SLCO6A1: variants seen among roughly 807,000 people sequenced by gnomAD.
SLCO6A1 encodes the protein cancer/testis antigen 48.
In SLCO6A1, 65 loss-of-function variants were observed where a neutral mutation model predicts 72.7. That is an observed-to-expected ratio of 0.89 (90% CI 0.73 to 1.10). SLCO6A1 has a LOEUF of 1.10. Ranked by LOEUF, SLCO6A1 falls within the 50% of genes least tolerant of loss-of-function variation. SLCO6A1 has a pLI of 0.00. For missense variants in SLCO6A1, 874 were observed against 872.6 expected (o/e 1.00, Z -0.02); for synonymous variants, 314 against 298.2 (o/e 1.05, Z -0.55).
At chr5:102,427,388 A>C (rs1580406013) in intron 7 of SLCO6A1, among the ~76,000 whole-genome samples, 1 of 152,276 alleles carries the variant, frequency 6.6e-6, no homozygotes, top group South Asian at 2.1e-4. Context: ...GCAGTCACTC[A>C]CATGGATAGT....
chr5:102,452,888 G>C (rs2112731399), intron 6 of SLCO6A1, among the ~76,000 whole-genome samples: 1 of 152,272 alleles, frequency 6.6e-6, no homozygotes, highest in East Asian at 1.9e-4. Flanking sequence ...CTTGTGTCAA[G>C]AGTTTCTAAA....
intron 7 of SLCO6A1, among the ~76,000 whole-genome samples, chr5:102,430,247 A>C (rs933434157): frequency 1.3e-5 from 2 of 152,174 alleles, no homozygotes; most frequent in African/African-American, 2.4e-5. Flanking sequence ...TGTTGTTTGC[A>C]AACAGGGATA....
rs533666112 is a variant in SLCO6A1 at position 102,383,354 on chromosome 5, T to C, written c.2017+5334A>G. Among the ~76,000 whole-genome samples, 7 of 151,708 alleles carry C rather than the reference T, an allele frequency of 4.6e-5. No individual in the cohort carries two copies. The South Asian group carries it at 1.5e-3, about 31-fold the overall frequency. ...CTGAGTAAGTAATATATTTGCTTTA[T>C]TGTGTTAAGATACATTCCTCTATAT... On this transcript the variant is annotated intron_variant, in intron 12 of 13. Transcript: ENST00000506729.
At chr5:102,498,343 A>T in intron 1 of SLCO6A1, 144 bp downstream of exon 1, 1 of 721,438 alleles carries the variant, frequency 1.4e-6, no homozygotes, top group Non-Finnish European at 2.3e-6. Flanking sequence ...CAACGCCTTG[A>T]GAAGTCAGAA....
intron 13 of SLCO6A1, among the ~76,000 whole-genome samples, chr5:102,372,475 TAATGTATAAAA>T (rs550622358): frequency 1.0e-3 from 154 of 152,104 alleles, no homozygotes; most frequent in African/African-American, 3.6e-3. Flanking sequence ...TGATGTACAA[TAATGTATAAAA>T]AATTATAACA....
chr5:102,404,579 A>C, intron 9 of SLCO6A1, among the ~76,000 whole-genome samples: 1 of 152,324 alleles, frequency 6.6e-6, no homozygotes, highest in Non-Finnish European at 1.5e-5. Context: ...TTATGTGTTA[A>C]TTTGAACTAT....
intron 12 of SLCO6A1, among the ~76,000 whole-genome samples, chr5:102,384,467 A>ATG (rs1561416051): frequency 6.6e-6 from 1 of 151,612 alleles, no homozygotes; most frequent in African/African-American, 2.4e-5. Context: ...TTGTAGTGGC[A>ATG]GTACGCTTTT....
rs144936685 is a variant in SLCO6A1 at position 102,394,944 on chromosome 5, T to G, written c.1815-3899A>C. Among the ~76,000 whole-genome samples the G allele has an allele frequency of 2.1e-3, 317 of 152,312 alleles. 3 individuals are homozygous for G. Among genetic ancestry groups the G allele is most frequent in the African/African-American group, 7.2e-3 (301 of 41,578 alleles). ...GCTGCACTTATTTAAGATTACACTT[T>G]CATTGCATACTAAATTCCCACATGA... On this transcript the variant is annotated intron_variant, in intron 10 of 13. Coordinates refer to ENST00000506729, the MANE Select transcript of SLCO6A1 (RefSeq NM_173488.5).
intron 6 of SLCO6A1, among the ~76,000 whole-genome samples, chr5:102,455,385 C>A (rs1470461991): frequency 1.3e-5 from 2 of 151,948 alleles, no homozygotes; most frequent in Non-Finnish European, 2.9e-5. Context: ...ATGAGAAATA[C>A]AATTTTGCAA....
chr5:102,452,662 T>A (rs1750481204), intron 6 of SLCO6A1, among the ~76,000 whole-genome samples: 1 of 152,160 alleles, frequency 6.6e-6, no homozygotes, highest in Non-Finnish European at 1.5e-5. Flanking sequence ...TTAAAAAACA[T>A]AATGACCTGC....
At chr5:102,490,608 G>C (rs1160184668) in intron 1 of SLCO6A1, among the ~76,000 whole-genome samples, 1 of 152,122 alleles carries the variant, frequency 6.6e-6, no homozygotes, top group African/African-American at 2.4e-5. Flanking sequence ...GGCATGTCTG[G>C]AGTTTGTTTG....
chr5:102,435,612 C>T (rs900711227), intron 7 of SLCO6A1, among the ~76,000 whole-genome samples: 4 of 152,140 alleles, frequency 2.6e-5, no homozygotes, highest in East Asian at 1.9e-4. Flanking sequence ...TGGTGGCTCA[C>T]GCCTTTAATC....
chr5:102,419,201 A>G (rs1233281039), intron 8 of SLCO6A1, among the ~76,000 whole-genome samples: 1 of 152,160 alleles, frequency 6.6e-6, no homozygotes, highest in Admixed American at 6.6e-5. Context: ...GATTCCTTTA[A>G]CCAAATCTTT....
rs552671464 is a variant in SLCO6A1, at chr5:102,406,843, T to TAG, written c.1626+6145_1626+6146dup. On this transcript the variant is annotated intron_variant, in intron 9 of 13. Transcript: ENST00000506729. The stretch of plus-strand genomic sequence containing the variant: ...GAGCAGACACTGCGGAATAGAGGCT[T>TAG]AGTAACTGGAAGATAGATGAACAGA... Among the ~76,000 whole-genome samples, 318 of 152,258 alleles carry TAG rather than the reference T, an allele frequency of 2.1e-3. 3 individuals carry two copies. Among genetic ancestry groups the TAG allele is most frequent in the African/African-American group, 7.3e-3 (302 of 41,560 alleles).
At chr5:102,406,017 A>C (rs1413294664) in intron 9 of SLCO6A1, among the ~76,000 whole-genome samples, 1 of 152,102 alleles carries the variant, frequency 6.6e-6, no homozygotes, top group Non-Finnish European at 1.5e-5. Flanking sequence ...AGAGCCATTC[A>C]ATTAAAAATC....
chr5:102,482,498 C>T (rs1450169074), intron 1 of SLCO6A1, among the ~76,000 whole-genome samples: 1 of 152,110 alleles, frequency 6.6e-6, no homozygotes, highest in African/African-American at 2.4e-5. Flanking sequence ...AGCACATACC[C>T]CATCCTATAG....
intron 6 of SLCO6A1, 62 bp from the exon 7 acceptor site, chr5:102,438,823 G>T: frequency 2.5e-6 from 3 of 1,208,406 alleles, no homozygotes; most frequent in South Asian, 2.0e-5. Context: ...GGAATAGACA[G>T]AACCAAATGC....
chr5:102,489,118 T>G (rs1168458133), intron 1 of SLCO6A1, among the ~76,000 whole-genome samples: 1 of 152,222 alleles, frequency 6.6e-6, no homozygotes, highest in Non-Finnish European at 1.5e-5. Context: ...AATTGAGCAA[T>G]GCTCAAGAGC....
At position 102,375,447 on chromosome 5, in the gene SLCO6A1, A is replaced by G. The variant is rs187779105; in HGVS notation, c.2018-1953T>C. 3.1e-3 allele frequency among the ~76,000 whole-genome samples: 469 copies of G among 152,260 alleles called. 3 individuals carry two copies. The highest frequency in any genetic ancestry group is 0.011 in the African/African-American group (453 of 41,564). ...GGAAAATGTCTGTTTCTGAAGGCAC[A>G]TATTTATTTCAGTCTGTATTATTCT... On this transcript the variant is annotated intron_variant, in intron 12 of 13. Coordinates refer to ENST00000506729, the MANE Select transcript of SLCO6A1 (RefSeq NM_173488.5).
Sources: gnomAD v4.1 joint callset for allele counts (sites outside exome capture counted in the v4.1 genomes callset) on GRCh38, gnomAD v4.1.1 for gene constraint, MANE v1.5 for transcripts, NCBI Gene and HGNC (gene_info 2026-07-23, HGNC 2026-07-21) for gene names.